Variants in COL28A1 observed in about 807,000 individuals in gnomAD.
The protein encoded by COL28A1 is collagen alpha-1(XXVIII) chain.
A neutral mutation model predicts 150.2 loss-of-function variants in COL28A1; 161 were observed. That is an observed-to-expected ratio of 1.07 (90% CI 0.94 to 1.22). COL28A1 has a LOEUF of 1.22. Ranked by LOEUF, COL28A1 falls within the 50% of genes most tolerant of loss-of-function variation. The probability of loss-of-function intolerance (pLI) is 0.00; values close to 1 mark genes in which losing one functional copy is unlikely to be tolerated. For synonymous variants in COL28A1, 552 were observed against 469.7 expected, an observed-to-expected ratio of 1.18 and a Z score of -2.26; for missense variants, 1,617 against 1,388.3, an observed-to-expected ratio of 1.16 and a Z score of -2.62.
At chr7:7,342,548 T>C in the COL28A1 span, among the ~76,000 whole-genome samples, 1 of 152,020 alleles carries the variant, frequency 6.6e-6, no homozygotes, top group Non-Finnish European at 1.5e-5. Context: ...ACTTTTATCT[T>C]TTTCCTTTCT....
chr7:7,341,716 T>G, the COL28A1 span, among the ~76,000 whole-genome samples: 14,388 of 152,210 alleles, frequency 0.095, 2,320 homozygotes, highest in African/African-American at 0.33. Context: ...GACTCATGAA[T>G]ATTTTAGAAA....
At chr7:7,439,594 C>T (rs1785605459) in intron 21 of COL28A1, among the ~76,000 whole-genome samples, 1 of 152,164 alleles carries the variant, frequency 6.6e-6, no homozygotes, top group Non-Finnish European at 1.5e-5. Flanking sequence ...GGCAATTCTT[C>T]ACCTTCATCT....
intron 15 of COL28A1, among the ~76,000 whole-genome samples, 186 bp from the exon 16 acceptor site, chr7:7,456,298 A>T (rs1787162680): frequency 6.6e-6 from 1 of 152,170 alleles, no homozygotes; most frequent in South Asian, 2.1e-4. Context: ...CAAAATAGTA[A>T]ATGACATTTT....
intron 30 of COL28A1, among the ~76,000 whole-genome samples, chr7:7,378,251 T>C (rs73040642): frequency 0.089 from 13,508 of 152,216 alleles, 1,104 homozygotes; most frequent in African/African-American, 0.21. Flanking sequence ...GGTGTGTTTC[T>C]CCTTCCCCAC....
At chr7:7,392,126 T>C (rs1583278093) in intron 27 of COL28A1, among the ~76,000 whole-genome samples, 1 of 152,258 alleles carries the variant, frequency 6.6e-6, no homozygotes, top group Non-Finnish European at 1.5e-5. Flanking sequence ...TGGTTGTTCC[T>C]TTCCATGTTT....
intron 15 of COL28A1, among the ~76,000 whole-genome samples, chr7:7,465,140 TC>T (rs1333622441): frequency 1.3e-5 from 2 of 150,824 alleles, no homozygotes; most frequent in Non-Finnish European, 3.0e-5. Flanking sequence ...GGTCTACAGC[TC>T]CCAGCGTGAG....
chr7:7,450,607 T>C (rs796982533), intron 18 of COL28A1, among the ~76,000 whole-genome samples: 15 of 152,256 alleles, frequency 9.9e-5, no homozygotes, highest in African/African-American at 3.6e-4. Flanking sequence ...TTGGACAAGA[T>C]TTTGGTAGTA....
chr7:7,445,343 G>A (rs535557677), intron 18 of COL28A1, among the ~76,000 whole-genome samples: 1 of 152,242 alleles, frequency 6.6e-6, no homozygotes, highest in Non-Finnish European at 1.5e-5. Flanking sequence ...GCATGCCAAG[G>A]ATTGACAGAC....
In COL28A1 at chr7:7,432,667, G is replaced by A; in HGVS notation, c.1894C>T (p.Pro632Ser). The A allele has an allele frequency of 6.2e-7, 1 of 1,613,930 alleles. No homozygotes were observed. The highest frequency in any genetic ancestry group is 8.5e-7 in the Non-Finnish European group (1 of 1,179,978). The change falls in exon 24 of 35, where the codon CCA (proline) becomes TCA (serine). Residue 632 changes from proline to serine, a missense_variant. Coordinates refer to ENST00000399429, the MANE Select transcript of COL28A1 (RefSeq NM_001037763.3). ...GGATAGCCATCACCTTTGAGTCCTG[G>A]AGCACCCACTGGTCCCCGAGGGCCT... ...VQGPRGPVGA[P>S]GLKGDGYPGV... is the part of the protein sequence containing the mutation.
the COL28A1 span, among the ~76,000 whole-genome samples, chr7:7,343,300 C>A: frequency 1.1e-4 from 17 of 151,964 alleles, no homozygotes; most frequent in Admixed American, 9.8e-4. Flanking sequence ...ATTGTCTATG[C>A]CTCATGCCCC....
At chr7:7,533,049 C>A in intron 1 of COL28A1, 137 bp from the exon 2 acceptor site, 11 of 989,088 alleles carry the variant, frequency 1.1e-5, no homozygotes, top group Non-Finnish European at 1.5e-5. Context: ...GAAAAATATT[C>A]ACATTGAGAT....
chr7:7,431,581 G>T, intron 25 of COL28A1: 1 of 471,174 alleles, frequency 2.1e-6, no homozygotes, highest in Non-Finnish European at 4.4e-6. Flanking sequence ...CGGCAGCCAG[G>T]GAGAAATGAC....
At chr7:7,520,720 C>T (rs1186736053) in intron 5 of COL28A1, among the ~76,000 whole-genome samples, 1 of 152,140 alleles carries the variant, frequency 6.6e-6, no homozygotes, top group Admixed American at 6.5e-5. Flanking sequence ...TGTGGCTTAT[C>T]CCTACTAAAA....
intron 7 of COL28A1, among the ~76,000 whole-genome samples, chr7:7,516,336 G>A (rs7791164): frequency 0.017 from 2,655 of 152,292 alleles, 73 homozygotes; most frequent in African/African-American, 0.06. Context: ...TTCGGTCTAA[G>A]ATATATAACA....
chr7:7,370,248 C>A (rs1781150632), intron 33 of COL28A1, among the ~76,000 whole-genome samples: 1 of 152,076 alleles, frequency 6.6e-6, no homozygotes, highest in African/African-American at 2.4e-5. Flanking sequence ...AGGTGGAAGC[C>A]AAATGAGCAA....
chr7:7,474,290 C>A (rs1221930498), intron 15 of COL28A1, among the ~76,000 whole-genome samples: 1 of 151,674 alleles, frequency 6.6e-6, no homozygotes, highest in Non-Finnish European at 1.5e-5. Flanking sequence ...GGACTCGGGG[C>A]AAAAGGGTGG....
chr7:7,366,242 G>A (rs1780925879), intron 33 of COL28A1, among the ~76,000 whole-genome samples: 1 of 152,108 alleles, frequency 6.6e-6, no homozygotes, highest in Non-Finnish European at 1.5e-5. Context: ...TTTCTAAGAT[G>A]TCATTCATCA....
Position 7,373,535 on chromosome 7 carries a change from T to A in COL28A1, c.2371A>T (p.Lys791Ter). ...AGCTCTAGTGGAGTCTCTTTGCATT[T>A]GGGCCCACAACCTAAAAGATGAATG... ...LITEICGCGP[K>*]CKETPLELVF... is the part of the protein sequence containing the mutation. Residue 791 changes from lysine to a stop codon, truncating the protein, a stop_gained, in exon 32 of 35, where the codon AAA becomes TAA. Transcript: ENST00000399429. LOFTEE classifies it high-confidence loss of function. This position sits in a 1 kb window ranked among gnomAD's most constrained non-coding sequence, Gnocchi z 4.1. 1 of 1,609,310 alleles carries A rather than the reference T, an allele frequency of 6.2e-7. No individual in the cohort carries two copies. Among genetic ancestry groups the A allele is most frequent in the Non-Finnish European group, 8.5e-7 (1 of 1,177,534 alleles).
chr7:7,400,975 G>GGGGTGTGTGTGTGTGTGTGTGTGTGT (rs1160269291), intron 27 of COL28A1, among the ~76,000 whole-genome samples: 1 of 119,074 alleles, frequency 8.4e-6, no homozygotes, highest in Non-Finnish European at 1.7e-5. Flanking sequence ...TGGGTATTTG[G>GGGGTGTGTGTGTGTGTGTGTGTGTGT]GTGTGTGTGT....
Sources: allele counts gnomAD v4.1 joint callset (sites outside exome capture counted in the v4.1 genomes callset), GRCh38; gene constraint gnomAD v4.1.1; non-coding constraint Gnocchi (gnomAD v3.1); transcripts MANE v1.5; gene names NCBI Gene and HGNC (gene_info 2026-07-23, HGNC 2026-07-21).